Variants in PRLR observed in about 807,000 individuals in gnomAD.
PRLR encodes the protein prolactin receptor.
In PRLR, 13 loss-of-function variants were observed where a neutral mutation model predicts 40.2. That is an observed-to-expected ratio of 0.32 (90% CI 0.21 to 0.51). The LOEUF (loss-of-function observed/expected upper bound fraction) is 0.51. Ranked by LOEUF, PRLR falls within the 20% of genes least tolerant of loss-of-function variation. PRLR has a pLI of 0.97. For synonymous variants in PRLR, 269 were observed against 278.7 expected, an observed-to-expected ratio of 0.97 and a Z score of 0.35; for missense variants, 656 against 747.3, an observed-to-expected ratio of 0.88 and a Z score of 1.42.
chr5:35,148,683 A>C (rs545329385), intron 1 of PRLR, among the ~76,000 whole-genome samples: 21 of 152,186 alleles, frequency 1.4e-4, no homozygotes, highest in Non-Finnish European at 2.9e-4. Context: ...CATGCACAAT[A>C]AATCCTAATT....
At chr5:35,155,619 A>C (rs1405804803) in intron 1 of PRLR, among the ~76,000 whole-genome samples, 1 of 152,198 alleles carries the variant, frequency 6.6e-6, no homozygotes, top group Non-Finnish European at 1.5e-5. Context: ...ATGCCATTTC[A>C]CAGTTGATGA....
chr5:35,135,843 G>A (rs754216811), intron 1 of PRLR, among the ~76,000 whole-genome samples: 11 of 152,176 alleles, frequency 7.2e-5, no homozygotes, highest in Non-Finnish European at 1.2e-4. Context: ...TCATCCCATG[G>A]GGGACCTGAC....
chr5:35,225,705 G>A (rs763431101), intron 1 of PRLR, among the ~76,000 whole-genome samples: 5 of 152,020 alleles, frequency 3.3e-5, no homozygotes, highest in South Asian at 2.1e-4. Context: ...TGTTTGAGAC[G>A]GAGTCTCACT....
At chr5:35,128,853 C>A (rs1265590043) in intron 1 of PRLR, among the ~76,000 whole-genome samples, 1 of 152,176 alleles carries the variant, frequency 6.6e-6, no homozygotes, top group Admixed American at 6.5e-5. Context: ...GGTGGAGTTG[C>A]AGAGATAATT....
At chr5:35,128,929 T>C (rs1773560056) in intron 1 of PRLR, among the ~76,000 whole-genome samples, 1 of 152,204 alleles carries the variant, frequency 6.6e-6, no homozygotes, top group Non-Finnish European at 1.5e-5. Context: ...CTCTGCCTCC[T>C]TCCCCGTATT....
intron 1 of PRLR, among the ~76,000 whole-genome samples, chr5:35,128,729 T>A (rs1773553184): frequency 6.6e-6 from 1 of 152,190 alleles, no homozygotes; most frequent in African/African-American, 2.4e-5. Context: ...TCTTTTTGAA[T>A]AAATAGCAAT....
rs1407999870 is a variant in PRLR, at chr5:35,061,121, T to C, written c.*3968A>G. 6.6e-6 allele frequency: 1 copy of C among 151,852 alleles called. No homozygotes were observed. The highest frequency in any genetic ancestry group is 1.5e-5 in the Non-Finnish European group (1 of 67,996). 9.4% of individuals were successfully genotyped at this position (151,852 alleles called of 1,614,324 possible). Reference sequence around the variant, plus strand: ...CCATTCATACATATCTATATCTATATCTATATATATATATAATCCCTATAA... The same window carrying C: ...CCATTCATACATATCTATATCTATACCTATATATATATATAATCCCTATAA... On this transcript the variant is annotated 3_prime_UTR_variant, in exon 10 of 10. Transcript: ENST00000618457.
Position 35,072,690 on chromosome 5 carries a change from C to G in PRLR, c.428G>C (p.Arg143Thr). The G allele has an allele frequency of 6.2e-7, 1 of 1,614,162 alleles. No homozygotes were observed. Among genetic ancestry groups the G allele is most frequent in the South Asian group, 1.1e-5 (1 of 91,082 alleles). ...LAVEVKQPED[R>T]KPYLWIKWSP... is the part of the protein sequence containing the mutation. ...CCATTTAATCCACAGGTAGGGTTTTCTGTCTTCTGGCTGTTTTACTTCCAC... is the reference window on the plus strand; with the variant it reads ...CCATTTAATCCACAGGTAGGGTTTTGTGTCTTCTGGCTGTTTTACTTCCAC... The change falls in exon 6 of 10, where the codon AGA (arginine) becomes ACA (threonine). Residue 143 changes from arginine (R) to threonine (T), a missense_variant. Arg to Thr is a moderately conservative substitution (Grantham distance 71). Around this residue, in one of 3 missense-constraint regions of PRLR, gnomAD observed 180 missense variants for 236.8 expected, o/e 0.76. Transcript: ENST00000618457.
rs774971637 is a variant in PRLR at position 35,224,119 on chromosome 5, G to A, written c.-106+6149C>T. ...GTTCCGTTTAGGTCATTAACATAGC[G>A]TTACAATGCTGGGCTCCCCATCCCT... On this transcript the variant is annotated intron_variant, in intron 1 of 9. Coordinates refer to ENST00000618457, the MANE Select transcript of PRLR (RefSeq NM_000949.7). Among the ~76,000 whole-genome samples, 21 of 152,226 alleles carry A rather than the reference G, an allele frequency of 1.4e-4. No individual in the cohort carries two copies. In the South Asian group the frequency reaches 4.1e-3, roughly 30 times the overall value.
chr5:35,121,608 C>G (rs34376897), intron 1 of PRLR, among the ~76,000 whole-genome samples: 35,795 of 152,092 alleles, frequency 0.24, 7,765 homozygotes, highest in African/African-American at 0.58. Context: ...GAAAATAATA[C>G]ACAACATTTA....
chr5:35,077,016 G>A (rs987363617), intron 5 of PRLR, among the ~76,000 whole-genome samples: 42 of 152,116 alleles, frequency 2.8e-4, no homozygotes, highest in African/African-American at 1.0e-3. Context: ...GTCACTACCA[G>A]GCCTGCCTTA....
chr5:35,227,166 T>A (rs923515064), intron 1 of PRLR, among the ~76,000 whole-genome samples: 5 of 152,240 alleles, frequency 3.3e-5, no homozygotes, highest in Admixed American at 1.3e-4. Context: ...ATCTTGTTGT[T>A]GCTACCCGTT....
intron 2 of PRLR, among the ~76,000 whole-genome samples, chr5:35,106,894 A>G (rs1772294756): frequency 6.6e-6 from 1 of 152,072 alleles, no homozygotes; most frequent in Admixed American, 6.5e-5. Flanking sequence ...CATTTACAGA[A>G]CTCTCCACCC....
At chr5:35,171,896 T>G (rs1775007114) in intron 1 of PRLR, among the ~76,000 whole-genome samples, 1 of 152,208 alleles carries the variant, frequency 6.6e-6, no homozygotes, top group Non-Finnish European at 1.5e-5. Context: ...AAGTAAAAAC[T>G]TATTTTTTTG....
intron 1 of PRLR, among the ~76,000 whole-genome samples, chr5:35,179,491 A>G (rs6895193): frequency 0.65 from 99,354 of 152,074 alleles, 32,918 homozygotes; most frequent in Middle Eastern, 0.73. Flanking sequence ...CCAATTCAGC[A>G]TGGTGGGACA....
intron 1 of PRLR, among the ~76,000 whole-genome samples, chr5:35,208,665 C>T (rs538806554): frequency 6.6e-6 from 1 of 152,176 alleles, no homozygotes; most frequent in African/African-American, 2.4e-5. Context: ...AAAAGACCAA[C>T]ATCAAACTGG....
In PRLR at chr5:35,174,614, C is replaced by A. The variant is rs567100813; in HGVS notation, c.-106+55654G>T. 2.0e-5 allele frequency among the ~76,000 whole-genome samples: 3 copies of A among 152,152 alleles called. No homozygotes were observed. In the East Asian group the frequency reaches 5.8e-4, roughly 29 times the overall value. ...GTCCTTTGCCTTATCCACCATTACT[C>A]CCTGTCTTCTACCTAGTTTTTCAAT... On this transcript the variant is annotated intron_variant, in intron 1 of 9. Transcript: ENST00000618457.
intron 1 of PRLR, among the ~76,000 whole-genome samples, chr5:35,189,579 T>A (rs1355443463): frequency 6.9e-6 from 1 of 145,496 alleles, no homozygotes; most frequent in Admixed American, 6.8e-5. Flanking sequence ...AAACTCCGTT[T>A]AAAAAAAAAA....
chr5:35,088,733 C>T (rs940702644), intron 3 of PRLR, among the ~76,000 whole-genome samples: 1 of 152,046 alleles, frequency 6.6e-6, no homozygotes, highest in Admixed American at 6.6e-5. Flanking sequence ...TATGTAGATG[C>T]CCACACAGAG....
Sources: gnomAD v4.1 joint callset for allele counts (sites outside exome capture counted in the v4.1 genomes callset) on GRCh38, gnomAD v4.1.1 for gene constraint, gnomAD v4.1.1 regional missense constraint, MANE v1.5 for transcripts, NCBI Gene and HGNC (gene_info 2026-07-23, HGNC 2026-07-21) for gene names.